The following MEOX2 variants were observed in gnomAD, a reference collection of about 807,000 sequenced individuals.
MEOX2 encodes the protein mesenchyme homeobox 2.
Under a neutral mutation model 27.0 loss-of-function variants are expected in MEOX2, and 11 were observed. The observed-to-expected ratio is 0.41, with a 90% CI of 0.26 to 0.68. The LOEUF is 0.68. Among genes scored for constraint, MEOX2 ranks in the 30% least tolerant of loss-of-function variants. The pLI is 0.33. For synonymous variants in MEOX2, 189 were observed against 155.4 expected, an observed-to-expected ratio of 1.22 and a Z score of -1.61; for missense variants, 436 against 385.4, an observed-to-expected ratio of 1.13 and a Z score of -1.10.
In MEOX2 at chr7:15,639,489, C is replaced by T. The variant is rs567037880; in HGVS notation, c.518-12571G>A. 1.2e-4 allele frequency among the ~76,000 whole-genome samples: 18 copies of T among 151,848 alleles called. No individual in the cohort carries two copies. The South Asian group carries it at 3.7e-3, about 32-fold the overall frequency. On this transcript the variant is annotated intron_variant, in intron 1 of 2. Transcript: ENST00000262041. ...CAGAAGCTCTTTAGTTTAATAAGTC[C>T]CATTTGTCTGCTTTTGTTTTTGGTG...
At chr7:15,666,487 C>G (rs1033636040) in intron 1 of MEOX2, among the ~76,000 whole-genome samples, 1 of 151,992 alleles carries the variant, frequency 6.6e-6, no homozygotes, top group Non-Finnish European at 1.5e-5. Flanking sequence ...GCTGAGGTGG[C>G]TCATGCCTGT....
Position 15,612,240 on chromosome 7 carries a change from T to C in MEOX2, c.*147A>G, listed in dbSNP as rs529510399. The stretch of plus-strand genomic sequence containing the variant: ...AGTGGCACTTTGTGTAAACCCTCTA[T>C]AAATCATGAAAAACAGATTCGAAAT... On this transcript the variant is annotated 3_prime_UTR_variant, in exon 3 of 3. Coordinates refer to ENST00000262041, the MANE Select transcript of MEOX2 (RefSeq NM_005924.5). 2.9e-6 allele frequency: 2 copies of C among 688,424 alleles called. No individual in the cohort carries two copies. The highest frequency in any genetic ancestry group is 1.9e-5 in the South Asian group (1 of 53,668). 42.6% of individuals were successfully genotyped at this position (688,424 alleles called of 1,614,324 possible).
At chr7:15,613,531 A>G (rs950474171) in intron 2 of MEOX2, among the ~76,000 whole-genome samples, 1 of 152,090 alleles carries the variant, frequency 6.6e-6, no homozygotes, top group African/African-American at 2.4e-5. Context: ...TCTAGCAAGC[A>G]AAGTGTTCTT....
At chr7:15,632,503 A>G (rs547904075) in intron 1 of MEOX2, among the ~76,000 whole-genome samples, 4 of 151,984 alleles carry the variant, frequency 2.6e-5, no homozygotes, top group South Asian at 2.1e-4. Flanking sequence ...ACAAATTCAC[A>G]AAGAACTAAA....
chr7:15,616,873 A>G (rs1781131502), intron 2 of MEOX2, among the ~76,000 whole-genome samples: 1 of 151,996 alleles, frequency 6.6e-6, no homozygotes, highest in African/African-American at 2.4e-5. Context: ...CACAAATAAA[A>G]CATAGTCCCT....
In MEOX2 at chr7:15,686,227, A is replaced by T; in HGVS notation, c.176T>A (p.Met59Lys). Residue 59 changes from methionine to lysine, a missense_variant, in exon 1 of 3, where the codon ATG (methionine) becomes AAG (lysine). Transcript: ENST00000262041. ...CCCCCTGTGATGCTGGCTGGCAAAC[A>T]TGCCCTCTTCGTTGGGGTATCCCGC... ...IIAGYPNEEG[M>K]FASQHHRGHH... is the part of the protein sequence containing the mutation. 6.2e-7 allele frequency: 1 copy of T among 1,611,986 alleles called. No individual in the cohort carries two copies. Among genetic ancestry groups the T allele is most frequent in the Admixed American group, 1.7e-5 (1 of 59,738 alleles).
chr7:15,638,573 G>C (rs1424755590), intron 1 of MEOX2, among the ~76,000 whole-genome samples: 1 of 151,950 alleles, frequency 6.6e-6, no homozygotes, highest in Non-Finnish European at 1.5e-5. Context: ...TAAGGTTTGG[G>C]CTTCTAGTGA....
At chr7:15,646,880 G>T (rs982795901) in intron 1 of MEOX2, among the ~76,000 whole-genome samples, 11 of 151,772 alleles carry the variant, frequency 7.2e-5, no homozygotes, top group Non-Finnish European at 1.3e-4. Flanking sequence ...TTATCTTCAA[G>T]ACACTATATT....
At chr7:15,652,943 T>C (rs946754923) in intron 1 of MEOX2, among the ~76,000 whole-genome samples, 6 of 152,054 alleles carry the variant, frequency 3.9e-5, no homozygotes, top group Non-Finnish European at 5.9e-5. Context: ...TGGATATTCA[T>C]GCACAGATAT....
intron 1 of MEOX2, among the ~76,000 whole-genome samples, chr7:15,644,721 T>G (rs2115372984): frequency 1.3e-5 from 2 of 152,300 alleles, no homozygotes; most frequent in Admixed American, 6.5e-5. Context: ...TGTCAATTAC[T>G]TATGCAATAT....
At chr7:15,630,498 G>A (rs142567891) in intron 1 of MEOX2, among the ~76,000 whole-genome samples, 170 of 152,078 alleles carry the variant, frequency 1.1e-3, no homozygotes, top group Middle Eastern at 3.4e-3. Flanking sequence ...GTATTAGCTC[G>A]TTTAAATGAA....
At chr7:15,685,695 C>G (rs930458511) in intron 1 of MEOX2, among the ~76,000 whole-genome samples, 191 bp downstream of exon 1, 2 of 152,222 alleles carry the variant, frequency 1.3e-5, no homozygotes, top group Non-Finnish European at 2.9e-5. Flanking sequence ...ACGCATTGCT[C>G]TCGAATAAAC....
intron 2 of MEOX2, among the ~76,000 whole-genome samples, chr7:15,620,623 T>A (rs1160529896): frequency 6.6e-6 from 1 of 152,144 alleles, no homozygotes. Flanking sequence ...AACCACTCTT[T>A]ATTTGGCACA....
At chr7:15,677,661 G>C (rs1438013843) in intron 1 of MEOX2, 1 of 152,224 alleles carries the variant, frequency 6.6e-6, no homozygotes, top group Non-Finnish European at 1.5e-5. Flanking sequence ...AGAGGTCCCT[G>C]CATTTACCCT....
chr7:15,671,661 T>C (rs114093049), intron 1 of MEOX2, among the ~76,000 whole-genome samples: 1 of 152,166 alleles, frequency 6.6e-6, no homozygotes, highest in Non-Finnish European at 1.5e-5. Flanking sequence ...GGTTAACCAG[T>C]CATACTCAAA....
intron 1 of MEOX2, among the ~76,000 whole-genome samples, chr7:15,642,081 T>C (rs1360809610): frequency 6.6e-6 from 1 of 152,204 alleles, no homozygotes; most frequent in Non-Finnish European, 1.5e-5. Context: ...CTGAAGACTA[T>C]ATGCCTTGTT....
intron 1 of MEOX2, among the ~76,000 whole-genome samples, chr7:15,652,663 T>G (rs1781750781): frequency 1.3e-5 from 2 of 152,098 alleles, no homozygotes; most frequent in Admixed American, 1.3e-4. Context: ...TCTCTATTTC[T>G]GCAAGTTCTC....
chr7:15,627,055 G>C, intron 1 of MEOX2, 137 bp from the exon 2 acceptor site: 1 of 713,130 alleles, frequency 1.4e-6, no homozygotes, highest in Non-Finnish European at 2.2e-6. Flanking sequence ...AAGACAGCAA[G>C]ACTGACGGCA....
intron 1 of MEOX2, among the ~76,000 whole-genome samples, chr7:15,660,378 T>G (rs1218361653): frequency 6.6e-6 from 1 of 152,172 alleles, no homozygotes; most frequent in African/African-American, 2.4e-5. Flanking sequence ...TGAGTATGCC[T>G]GAAGAATAGA....
Sources: allele counts gnomAD v4.1 joint callset (sites outside exome capture counted in the v4.1 genomes callset), GRCh38; gene constraint gnomAD v4.1.1; transcripts MANE v1.5; gene names NCBI Gene and HGNC (gene_info 2026-07-23, HGNC 2026-07-21).